TMX3: variants seen among roughly 807,000 people sequenced by gnomAD.
TMX3 encodes protein disulfide-isomerase TMX3.
In TMX3, 40 loss-of-function variants were observed where a neutral mutation model predicts 64.4. The observed-to-expected ratio is 0.62, with a 90% CI of 0.48 to 0.81. TMX3 has a LOEUF of 0.81. Among genes scored for constraint, TMX3 ranks in the 30% least tolerant of loss-of-function variants. The probability of loss-of-function intolerance (pLI) is 0.00; values close to 1 mark genes in which losing one functional copy is unlikely to be tolerated. For synonymous variants in TMX3, 189 were observed against 175.7 expected, an observed-to-expected ratio of 1.08 and a Z score of -0.60; for missense variants, 497 against 534.5, an observed-to-expected ratio of 0.93 and a Z score of 0.69.
intron 8 of TMX3, 124 bp from the exon 9 acceptor site, chr18:68,691,485 CACAA>C (rs1476470367): frequency 3.2e-5 from 19 of 592,694 alleles, no homozygotes; most frequent in Admixed American, 6.9e-5. Context: ...AAAAGAATGT[CACAA>C]ACAGTTAAAG....
intron 10 of TMX3, among the ~76,000 whole-genome samples, chr18:68,685,257 A>T (rs1307476299): frequency 3.9e-5 from 6 of 152,220 alleles, no homozygotes; most frequent in Non-Finnish European, 7.4e-5. Flanking sequence ...GTAAGATTAG[A>T]TGCCCAGAAA....
At chr18:68,700,106 A>T (rs1174968099) in intron 6 of TMX3, among the ~76,000 whole-genome samples, 1 of 152,136 alleles carries the variant, frequency 6.6e-6, no homozygotes, top group Admixed American at 6.5e-5. Flanking sequence ...AGATTCACAG[A>T]GTTGCTACAC....
intron 4 of TMX3, among the ~76,000 whole-genome samples, chr18:68,704,686 G>T (rs752422732): frequency 6.6e-6 from 1 of 152,116 alleles, no homozygotes; most frequent in Non-Finnish European, 1.5e-5. Context: ...TTCATAAATT[G>T]AAGAGTCCAT....
At chr18:68,680,176 AAGT>A (rs750713262) in intron 14 of TMX3, among the ~76,000 whole-genome samples, 20 of 152,160 alleles carry the variant, frequency 1.3e-4, no homozygotes, top group Non-Finnish European at 2.8e-4. Context: ...CCTTGACCGA[AAGT>A]AGTTATGTTT....
In TMX3 at chr18:68,691,370, A is replaced by C; in HGVS notation, c.571-9T>G. ...TCTTTTAGTGTCACATACTGCAAAA[A>C]ATCAGAAGTTTAAATAACTTTTATC... On this transcript the variant is annotated splice_polypyrimidine_tract_variant and intron_variant, in intron 8 of 15. Transcript: ENST00000299608. The C allele has an allele frequency of 6.7e-7, 1 of 1,487,854 alleles. No homozygotes were observed. The highest frequency in any genetic ancestry group is 1.4e-5 in the South Asian group (1 of 71,196). 92.2% of individuals were successfully genotyped at this position (1,487,854 alleles called of 1,614,324 possible).
At chr18:68,708,155 AGAC>A (rs1340733478) in intron 4 of TMX3, among the ~76,000 whole-genome samples, 4 of 152,078 alleles carry the variant, frequency 2.6e-5, no homozygotes, top group Non-Finnish European at 5.9e-5. Flanking sequence ...ATAACTTCTT[AGAC>A]ATTGTTAAAA....
At chr18:68,680,862 C>T (rs1257977878) in intron 14 of TMX3, 119 bp downstream of exon 14, 1 of 938,838 alleles carries the variant, frequency 1.1e-6, no homozygotes, top group South Asian at 2.5e-5. Context: ...TATGGAGGTC[C>T]AGCCCTCTAC....
In TMX3 at chr18:68,714,195, C is replaced by A. The variant is rs549338906; in HGVS notation, c.47-295G>T. The A allele has an allele frequency of 3.4e-4, 67 of 197,734 alleles. No homozygotes were observed. The South Asian group carries it at 6.3e-3, about 19-fold the overall frequency. 12.2% of individuals were successfully genotyped at this position (197,734 alleles called of 1,614,324 possible). On this transcript the variant is annotated intron_variant, in intron 1 of 15. Coordinates refer to ENST00000299608, the MANE Select transcript of TMX3 (RefSeq NM_019022.5). The stretch of plus-strand genomic sequence containing the variant: ...CTCTCATCTTACGTCTCTTTTTAAC[C>A]ATCCTATCTTTTTGGAATACAAATA...
intron 8 of TMX3, among the ~76,000 whole-genome samples, chr18:68,692,762 C>G (rs1001643500): frequency 6.6e-6 from 1 of 152,186 alleles, no homozygotes; most frequent in Non-Finnish European, 1.5e-5. Flanking sequence ...CCTAAACAAA[C>G]TAGCTGAGAA....
At chr18:68,712,210 T>G (rs553944188) in intron 2 of TMX3, among the ~76,000 whole-genome samples, 16 of 152,128 alleles carry the variant, frequency 1.1e-4, no homozygotes, top group Admixed American at 3.9e-4. Context: ...CCCAGAGACA[T>G]GTCAGCTGCA....
At chr18:68,712,001 G>A (rs919491510) in intron 2 of TMX3, among the ~76,000 whole-genome samples, 6 of 152,122 alleles carry the variant, frequency 3.9e-5, no homozygotes, top group African/African-American at 9.7e-5. Flanking sequence ...ACCACCCTGC[G>A]GATCAGAGTT....
chr18:68,714,134 C>T (rs1300597883), intron 1 of TMX3: 2 of 276,222 alleles, frequency 7.2e-6, no homozygotes, highest in Non-Finnish European at 6.8e-6. Flanking sequence ...GCCAATAAAT[C>T]TAATACACAC....
At chr18:68,695,602 C>T (rs906542516) in intron 8 of TMX3, among the ~76,000 whole-genome samples, 1 of 152,208 alleles carries the variant, frequency 6.6e-6, no homozygotes, top group Non-Finnish European at 1.5e-5. Flanking sequence ...ACCAAAACAT[C>T]TAAGAGTCAC....
chr18:68,697,410 A>G, intron 7 of TMX3, 107 bp from the exon 8 acceptor site: 2 of 535,000 alleles, frequency 3.7e-6, no homozygotes, highest in Middle Eastern at 5.7e-4. Flanking sequence ...TCATCACCTT[A>G]ATGTGCTACC....
chr18:68,710,113 T>G lies in TMX3; in HGVS notation c.173A>C (p.Lys58Thr). ...AACTTCATTCCAAATTGGTTCCAGC[T>G]TTTTACAATGGCCACACCATGGCGC... ...FYAPWCGHCKKLEPIWNEVGL... is the reference protein window; with the variant it reads ...FYAPWCGHCKTLEPIWNEVGL... The change falls in exon 4 of 16, where the codon AAG becomes ACG. Residue 58 changes from lysine (K) to threonine (T), a missense_variant. Physicochemically the swap from Lys to Thr is moderately conservative, Grantham distance 78. Around this residue, in one of 3 missense-constraint regions of TMX3, gnomAD observed 360 missense variants for 383.5 expected, o/e 0.94. Coordinates refer to ENST00000299608, the MANE Select transcript of TMX3 (RefSeq NM_019022.5). The G allele has an allele frequency of 6.3e-7, 1 of 1,599,574 alleles. No individual in the cohort carries two copies.
intron 4 of TMX3, among the ~76,000 whole-genome samples, chr18:68,704,916 T>C (rs895026931): frequency 2.0e-5 from 3 of 152,230 alleles, no homozygotes; most frequent in Admixed American, 6.5e-5. Context: ...CACTTCTAGT[T>C]ACCTTGTTAT....
At chr18:68,696,701 T>C (rs1226604932) in intron 8 of TMX3, among the ~76,000 whole-genome samples, 1 of 151,332 alleles carries the variant, frequency 6.6e-6, no homozygotes, top group Non-Finnish European at 1.5e-5. Context: ...GGTCTCGAAT[T>C]CCTGACCTCG....
rs959488244 is a variant in TMX3, at chr18:68,715,100, G to A, written c.-119C>T. On this transcript the variant is annotated 5_prime_UTR_variant, in exon 1 of 16. Coordinates refer to ENST00000299608, the MANE Select transcript of TMX3 (RefSeq NM_019022.5). ...CGACCCGGAGCGGAAGAGAAGCACCGCGCTAACTACGGGGGCGGGGCTACC... is the reference window on the plus strand; with the variant it reads ...CGACCCGGAGCGGAAGAGAAGCACCACGCTAACTACGGGGGCGGGGCTACC... 23 of 1,517,570 alleles carry A rather than the reference G, an allele frequency of 1.5e-5. No homozygotes were observed. The East Asian group carries it at 5.6e-4, about 37-fold the overall frequency. The allele number at this position is 1,517,570 out of a possible 1,614,324, so 94.0% of individuals were successfully genotyped here.
chr18:68,675,049 A>T lies in TMX3; in HGVS notation c.*1884T>A, dbSNP rs1912813808. 6.6e-6 allele frequency: 1 copy of T among 152,130 alleles called. No individual in the cohort carries two copies. The allele number at this position is 152,130 out of a possible 1,614,324, so 9.4% of individuals were successfully genotyped here. A position where few individuals can be genotyped will look rare whatever the true frequency, so the allele number is the denominator to read the frequency against. ...ATGTAAATGACTAATTATAAATATG[A>T]AAAAATTCAGTGACATTTTCTATAA... is the stretch of plus-strand genomic sequence containing the variant. On this transcript the variant is annotated 3_prime_UTR_variant, in exon 16 of 16. Transcript: ENST00000299608.
Sources: allele counts gnomAD v4.1 joint callset (sites outside exome capture counted in the v4.1 genomes callset), GRCh38; gene constraint gnomAD v4.1.1; regional missense constraint gnomAD v4.1.1; transcripts MANE v1.5; gene names NCBI Gene and HGNC (gene_info 2026-07-23, HGNC 2026-07-21).